Variants in NSFL1C observed in about 807,000 individuals in gnomAD.
NSFL1C encodes NSFL1 cofactor p47.
NSFL1C carries 14 observed loss-of-function variants against 43.1 expected under a neutral mutation model. That is an observed-to-expected ratio of 0.32 (90% CI 0.21 to 0.51). The LOEUF (loss-of-function observed/expected upper bound fraction) is 0.51, where lower values mean the gene tolerates loss of function less well. Among genes scored for constraint, NSFL1C ranks in the 20% least tolerant of loss-of-function variants. The probability of loss-of-function intolerance (pLI) is 0.98; values close to 1 mark genes in which losing one functional copy is unlikely to be tolerated. For synonymous variants in NSFL1C, 171 were observed against 183.5 expected, an observed-to-expected ratio of 0.93 and a Z score of 0.55; for missense variants, 406 against 472.5, an observed-to-expected ratio of 0.86 and a Z score of 1.30.
At chr20:1,454,127 G>A (rs2090245463) in intron 5 of NSFL1C, 86 bp downstream of exon 5, 3 of 1,049,276 alleles carry the variant, frequency 2.9e-6, no homozygotes, top group East Asian at 2.4e-5. Flanking sequence ...GAGGCTGCTG[G>A]TTAATGCACA....
At chr20:1,446,165 C>G in intron 7 of NSFL1C, 1 of 439,780 alleles carries the variant, frequency 2.3e-6, no homozygotes, top group Non-Finnish European at 4.3e-6. Flanking sequence ...GTGGGAGAGA[C>G]AGGGTCATAA....
chr20:1,444,367 G>C (rs1295455502), intron 8 of NSFL1C, among the ~76,000 whole-genome samples: 2 of 152,208 alleles, frequency 1.3e-5, no homozygotes, highest in Non-Finnish European at 2.9e-5. Flanking sequence ...TTTCTGGGAT[G>C]ATCTGATTAG....
chr20:1,458,725 G>A (rs1262491008), intron 2 of NSFL1C, among the ~76,000 whole-genome samples: 1 of 152,144 alleles, frequency 6.6e-6, no homozygotes, highest in Non-Finnish European at 1.5e-5. Context: ...CAATCATGGT[G>A]ATGGGGCTGC....
Position 1,452,640 on chromosome 20 carries a change from A to G in NSFL1C, c.648-10T>C, listed in dbSNP as rs761204937. Reference sequence around the variant, plus strand: ...CTCTGCTGGCACCTCCCTGTGGAAGAAAAGGCCATGCTGAGGTCCACAGAG... The same window carrying G: ...CTCTGCTGGCACCTCCCTGTGGAAGGAAAGGCCATGCTGAGGTCCACAGAG... On this transcript the variant is annotated splice_polypyrimidine_tract_variant and intron_variant, in intron 6 of 8. Coordinates refer to ENST00000216879, the MANE Select transcript of NSFL1C (RefSeq NM_016143.5). 2.9e-5 allele frequency: 46 copies of G among 1,613,644 alleles called. 1 individual carries two copies. In the South Asian group the frequency reaches 4.9e-4, roughly 17 times the overall value.
intron 7 of NSFL1C, among the ~76,000 whole-genome samples, chr20:1,448,727 T>C (rs1302747583): frequency 6.6e-6 from 1 of 152,128 alleles, no homozygotes; most frequent in Non-Finnish European, 1.5e-5. Context: ...CCCCAGCCTA[T>C]GAGGTAGGGA....
In NSFL1C at chr20:1,443,759, C is replaced by T. The variant is rs369242636; in HGVS notation, c.1103G>A (p.Arg368Gln). Reference protein sequence around the residue: ...ANLLNAVIVQRLT With the variant: ...ANLLNAVIVQQLT Reference sequence around the variant, plus strand: ...CAGCTGGCTGGGCGGTTATGTTAACCGCTGCACGATGACAGCATTGAGCAG... The same window carrying T: ...CAGCTGGCTGGGCGGTTATGTTAACTGCTGCACGATGACAGCATTGAGCAG... The change falls in exon 9 of 9, where the codon CGG (arginine) becomes CAG (glutamine). Residue 368 changes from arginine to glutamine, a missense_variant. Transcript: ENST00000216879. The T allele has an allele frequency of 1.7e-5, 27 of 1,613,938 alleles. No homozygotes were observed. Among genetic ancestry groups the T allele is most frequent in the Non-Finnish European group, 2.1e-5 (25 of 1,179,988 alleles).
chr20:1,453,944 C>G (rs1218661738), intron 5 of NSFL1C, among the ~76,000 whole-genome samples: 1 of 152,184 alleles, frequency 6.6e-6, no homozygotes, highest in Non-Finnish European at 1.5e-5. Context: ...CACTGTACCT[C>G]TGCCTGAGAT....
chr20:1,445,449 G>C (rs1418366491), intron 8 of NSFL1C, among the ~76,000 whole-genome samples: 4 of 152,188 alleles, frequency 2.6e-5, no homozygotes, highest in African/African-American at 9.7e-5. Context: ...GAGACACACA[G>C]GGGGAAGTGA....
intron 7 of NSFL1C, among the ~76,000 whole-genome samples, chr20:1,447,346 G>A (rs2090080576): frequency 6.6e-6 from 1 of 151,854 alleles, no homozygotes; most frequent in Admixed American, 6.6e-5. Context: ...ACCACCCATG[G>A]CTCATGGGCC....
intron 7 of NSFL1C, among the ~76,000 whole-genome samples, chr20:1,448,210 C>T (rs1439613284): frequency 1.3e-5 from 2 of 152,132 alleles, no homozygotes; most frequent in Non-Finnish European, 2.9e-5. Flanking sequence ...GGAAGCAGTC[C>T]CTACTGTCCC....
At chr20:1,466,612 G>C (rs1204564748) in intron 1 of NSFL1C, 108 bp downstream of exon 1, 1 of 1,074,460 alleles carries the variant, frequency 9.3e-7, no homozygotes, top group Non-Finnish European at 1.3e-6. Context: ...GTCGGGCCGC[G>C]GTAGAGCGGG....
In NSFL1C at chr20:1,464,120, G is replaced by C. The variant is rs565858578; in HGVS notation, c.203+209C>G. 1,105 of 507,740 alleles carry C rather than the reference G, an allele frequency of 2.2e-3. 3 individuals carry two copies. Among genetic ancestry groups the C allele is most frequent in the Non-Finnish European group, 3.5e-3 (996 of 286,130 alleles). The allele number at this position is 507,740 out of a possible 1,614,324, so 31.5% of individuals were successfully genotyped here. Reference sequence around the variant, plus strand: ...AAAGTAGGTTTGTGGTTTCCCCCAGGATTGAACCATAAACCACACCCAGTT... The same window carrying C: ...AAAGTAGGTTTGTGGTTTCCCCCAGCATTGAACCATAAACCACACCCAGTT... On this transcript the variant is annotated intron_variant, in intron 2 of 8. Coordinates refer to ENST00000216879, the MANE Select transcript of NSFL1C (RefSeq NM_016143.5).
intron 7 of NSFL1C, among the ~76,000 whole-genome samples, chr20:1,449,324 C>G (rs1481160709): frequency 6.6e-6 from 1 of 152,202 alleles, no homozygotes; most frequent in African/African-American, 2.4e-5. Flanking sequence ...ATGCTATCAG[C>G]TGCCATGGGC....
chr20:1,450,576 T>G (rs1355954255), intron 7 of NSFL1C, among the ~76,000 whole-genome samples: 1 of 152,214 alleles, frequency 6.6e-6, no homozygotes, highest in African/African-American at 2.4e-5. Context: ...AATAGAAACA[T>G]TTCCTGTTAG....
chr20:1,457,948 G>A (rs1488819713), intron 3 of NSFL1C: 1 of 382,286 alleles, frequency 2.6e-6, no homozygotes, highest in African/African-American at 2.1e-5. Flanking sequence ...CCAAAAAGTG[G>A]GACTGCTAGA....
intron 2 of NSFL1C, among the ~76,000 whole-genome samples, chr20:1,459,805 T>G (rs2090374530): frequency 6.6e-6 from 1 of 152,242 alleles, no homozygotes; most frequent in Admixed American, 6.5e-5. Flanking sequence ...CTAGTTCCAC[T>G]CATTCATCTT....
At chr20:1,464,920 C>T (rs534765607) in intron 1 of NSFL1C, among the ~76,000 whole-genome samples, 2 of 152,278 alleles carry the variant, frequency 1.3e-5, no homozygotes, top group East Asian at 3.9e-4. Context: ...TGTGCTTAGG[C>T]CCTCACTCTT....
rs1568610159 is a variant in NSFL1C at position 1,443,723 on chromosome 20, G to A, written c.*26C>T. On this transcript the variant is annotated 3_prime_UTR_variant, in exon 9 of 9. Transcript: ENST00000216879. ...GCCACTGGCCATGGGAAACACAGGA[G>A]GGAGGCCAGGCAGCTGGCTGGGCGG... 2 of 1,612,038 alleles carry A rather than the reference G, an allele frequency of 1.2e-6. No homozygotes were observed. Among genetic ancestry groups the A allele is most frequent in the Non-Finnish European group, 1.7e-6 (2 of 1,178,424 alleles).
At chr20:1,460,336 G>C (rs1178352946) in intron 2 of NSFL1C, among the ~76,000 whole-genome samples, 4 of 152,116 alleles carry the variant, frequency 2.6e-5, no homozygotes, top group African/African-American at 9.7e-5. Flanking sequence ...TAATTCTCCT[G>C]AATCAGAGCC....
Sources: gnomAD v4.1 joint callset for allele counts (sites outside exome capture counted in the v4.1 genomes callset) on GRCh38, gnomAD v4.1.1 for gene constraint, MANE v1.5 for transcripts, NCBI Gene and HGNC (gene_info 2026-07-23, HGNC 2026-07-21) for gene names.